The following ICA1L variants were observed in gnomAD, a reference collection of about 807,000 sequenced individuals.
ICA1L encodes islet cell autoantigen 1-like protein.
In ICA1L, 50 loss-of-function variants were observed where a neutral mutation model predicts 61.3. That is an observed-to-expected ratio of 0.82 (90% CI 0.65 to 1.03). ICA1L has a LOEUF of 1.03. Ranked by LOEUF, ICA1L falls within the 50% of genes least tolerant of loss-of-function variation. ICA1L has a pLI of 0.00. For missense variants in ICA1L, 508 were observed against 556.7 expected (o/e 0.91, Z 0.88); for synonymous variants, 161 against 191.3 (o/e 0.84, Z 1.31).
chr2:202,842,182 T>G (rs1350896880), intron 1 of ICA1L, among the ~76,000 whole-genome samples: 1 of 152,230 alleles, frequency 6.6e-6, no homozygotes, highest in Non-Finnish European at 1.5e-5. Context: ...TTAATAGTTT[T>G]GTTTTTTAAC....
Position 202,846,421 on chromosome 2 carries a change from C to T in ICA1L, c.-7-17405G>A, listed in dbSNP as rs558981130. ...GATCCTAAGACTGTGCCCTCACCCC[C>T]ACTAGACCAGAGACTGGTTGCAAGT... On this transcript the variant is annotated intron_variant, in intron 1 of 12. Transcript: ENST00000358299. Among the ~76,000 whole-genome samples the T allele has an allele frequency of 3.3e-5, 5 of 152,048 alleles. No individual in the cohort carries two copies. In the South Asian group the frequency reaches 8.3e-4, roughly 25 times the overall value.
At chr2:202,827,244 A>C (rs1693871274) in intron 2 of ICA1L, among the ~76,000 whole-genome samples, 2 of 152,112 alleles carry the variant, frequency 1.3e-5, no homozygotes, top group South Asian at 4.1e-4. Flanking sequence ...AAATACAAAA[A>C]TTAGCCAGCC....
intron 10 of ICA1L, among the ~76,000 whole-genome samples, chr2:202,791,735 A>G (rs1212638541): frequency 6.6e-6 from 1 of 152,056 alleles, no homozygotes; most frequent in Non-Finnish European, 1.5e-5. Context: ...AATCCCAGCT[A>G]CTCAGGAGGC....
chr2:202,835,215 CTTTTTTTTTTT>C (rs544503963), intron 1 of ICA1L, among the ~76,000 whole-genome samples: 1 of 120,644 alleles, frequency 8.3e-6, no homozygotes, highest in Non-Finnish European at 1.7e-5. Context: ...TGATTTCTTC[CTTTTTTTTTTT>C]TTTTTTTTTT....
At chr2:202,817,184 A>G (rs1341044347) in intron 6 of ICA1L, among the ~76,000 whole-genome samples, 1 of 152,086 alleles carries the variant, frequency 6.6e-6, no homozygotes, top group African/African-American at 2.4e-5. Flanking sequence ...TTCAACCTCA[A>G]ATGGTCCCTA....
intron 7 of ICA1L, among the ~76,000 whole-genome samples, chr2:202,815,616 AAATTT>A (rs1407919394): frequency 6.6e-6 from 1 of 151,904 alleles, no homozygotes; most frequent in East Asian, 1.9e-4. Context: ...AAATTAAATT[AAATTT>A]AATTTTTTTT....
chr2:202,867,125 C>G (rs1167483955), intron 1 of ICA1L, among the ~76,000 whole-genome samples: 2 of 152,066 alleles, frequency 1.3e-5, no homozygotes, highest in African/African-American at 4.8e-5. Context: ...TTGGAAGAAA[C>G]TTTTCATACG....
chr2:202,814,975 T>G (rs1370250445), intron 7 of ICA1L, among the ~76,000 whole-genome samples, 191 bp from the exon 8 acceptor site: 1 of 152,244 alleles, frequency 6.6e-6, no homozygotes, highest in Admixed American at 6.5e-5. Context: ...TTGTTTCTCC[T>G]GGCTGCCTGT....
intron 5 of ICA1L, 67 bp downstream of exon 5, chr2:202,819,634 T>C: frequency 8.5e-7 from 1 of 1,175,326 alleles, no homozygotes; most frequent in Non-Finnish European, 1.3e-6. Context: ...AATTTTATTA[T>C]CTTAATTATT....
intron 1 of ICA1L, among the ~76,000 whole-genome samples, chr2:202,864,834 C>A (rs1364596673): frequency 6.6e-6 from 1 of 152,064 alleles, no homozygotes; most frequent in Non-Finnish European, 1.5e-5. Flanking sequence ...GCCTGGCCAA[C>A]ATGGTGAAAC....
chr2:202,773,989 AG>A lies in ICA1L; in HGVS notation c.*5543del. 1.1e-6 allele frequency: 1 copy of A among 918,236 alleles called. No homozygotes were observed. The highest frequency in any genetic ancestry group is 1.7e-6 in the Non-Finnish European group (1 of 599,420). 56.9% of individuals were successfully genotyped at this position (918,236 alleles called of 1,614,324 possible). A position where few individuals can be genotyped will look rare whatever the true frequency, so the allele number is the denominator to read the frequency against. ...GTGTTTTAAAAGGTATATGGTACTA[AG>A]AAGAGTTGGCTGTTTTATTTTTTTA... is the stretch of plus-strand genomic sequence containing the variant. On this transcript the variant is annotated 3_prime_UTR_variant, in exon 13 of 13. Transcript: ENST00000358299.
chr2:202,824,079 C>A lies in ICA1L; in HGVS notation c.235+1616G>T, dbSNP rs546819869. Among the ~76,000 whole-genome samples, 6 of 152,208 alleles carry A rather than the reference C, an allele frequency of 3.9e-5. No individual in the cohort carries two copies. The East Asian group carries it at 1.2e-3, about 29-fold the overall frequency. Reference sequence around the variant, plus strand: ...ACTGACTACATGCTAGACATTGTTTCTAGACTGGGGACACAGAAATAAAAC... The same window carrying A: ...ACTGACTACATGCTAGACATTGTTTATAGACTGGGGACACAGAAATAAAAC... On this transcript the variant is annotated intron_variant, in intron 3 of 12. Coordinates refer to ENST00000358299, the MANE Select transcript of ICA1L (RefSeq NM_001288622.3).
At chr2:202,842,074 C>T (rs113013860) in intron 1 of ICA1L, among the ~76,000 whole-genome samples, 21 of 152,054 alleles carry the variant, frequency 1.4e-4, no homozygotes, top group African/African-American at 4.3e-4. Context: ...AGGCTGGTCT[C>T]GAACTCCTGA....
At chr2:202,811,404 C>G (rs539162826) in intron 9 of ICA1L, among the ~76,000 whole-genome samples, 26 of 152,086 alleles carry the variant, frequency 1.7e-4, no homozygotes, top group South Asian at 1.7e-3. Context: ...CCTGTATTCC[C>G]AGCAGTTTGA....
chr2:202,838,666 TA>T (rs1161804035), intron 1 of ICA1L, among the ~76,000 whole-genome samples: 1 of 152,238 alleles, frequency 6.6e-6, no homozygotes, highest in African/African-American at 2.4e-5. Flanking sequence ...TTTCATTATA[TA>T]ATAATTGTCT....
At chr2:202,847,277 A>G (rs1274660940) in intron 1 of ICA1L, among the ~76,000 whole-genome samples, 2 of 152,246 alleles carry the variant, frequency 1.3e-5, no homozygotes, top group East Asian at 3.8e-4. Context: ...GTTTTGCCCC[A>G]GAAAAATAAG....
intron 9 of ICA1L, among the ~76,000 whole-genome samples, chr2:202,805,698 GAAT>G (rs528645800): frequency 6.6e-6 from 1 of 151,968 alleles, no homozygotes; most frequent in South Asian, 2.1e-4. Context: ...TTTGCTAAAA[GAAT>G]AATAATAATA....
chr2:202,816,031 C>T (rs1693524383), intron 6 of ICA1L, 22 bp from the exon 7 acceptor site: 5 of 1,463,942 alleles, frequency 3.4e-6, no homozygotes, highest in Non-Finnish European at 3.7e-6. Context: ...GAAAAGGTGA[C>T]ACTACAGTTC....
chr2:202,786,102 C>T, intron 11 of ICA1L, 95 bp from the exon 12 acceptor site: 1 of 700,276 alleles, frequency 1.4e-6, no homozygotes, highest in South Asian at 1.8e-5. Flanking sequence ...GTCCTCCAGT[C>T]TTTGTATCTG....
Sources: gnomAD v4.1 joint callset for allele counts (sites outside exome capture counted in the v4.1 genomes callset) on GRCh38, gnomAD v4.1.1 for gene constraint, MANE v1.5 for transcripts, NCBI Gene and HGNC (gene_info 2026-07-23, HGNC 2026-07-21) for gene names.